CPA6: variants seen among roughly 807,000 people sequenced by gnomAD.
CPA6 encodes carboxypeptidase B.
CPA6 carries 58 observed loss-of-function variants against 63.3 expected under a neutral mutation model. The ratio of observed to expected loss-of-function variants is 0.92; its 90% CI spans 0.74 to 1.14. The LOEUF is 1.14. Ranked by LOEUF, CPA6 falls within the 50% of genes most tolerant of loss-of-function variation. CPA6 has a pLI of 0.00. For missense variants in CPA6, 565 were observed against 526.6 expected (o/e 1.07, Z -0.71); for synonymous variants, 185 against 179.0 (o/e 1.03, Z -0.27).
intron 9 of CPA6, among the ~76,000 whole-genome samples, chr8:67,431,637 C>T (rs1301568287): frequency 5.3e-5 from 8 of 152,118 alleles, no homozygotes; most frequent in Admixed American, 3.3e-4. Flanking sequence ...TAAAGGAATA[C>T]TGTGATACAA....
At chr8:67,659,702 A>G (rs1199056187) in intron 1 of CPA6, among the ~76,000 whole-genome samples, 5 of 152,242 alleles carry the variant, frequency 3.3e-5, no homozygotes, top group African/African-American at 1.2e-4. Flanking sequence ...CTACATTTCA[A>G]CAAGGTAGTC....
chr8:67,450,106 G>A (rs558235961), intron 8 of CPA6, among the ~76,000 whole-genome samples: 24 of 152,052 alleles, frequency 1.6e-4, no homozygotes, highest in East Asian at 3.9e-4. Context: ...ATGAGCCACC[G>A]CGCCTGGCCA....
chr8:67,733,903 C>T (rs2129003374), intron 1 of CPA6, among the ~76,000 whole-genome samples: 1 of 130,666 alleles, frequency 7.7e-6, no homozygotes, highest in East Asian at 2.4e-4. Context: ...AGTGCAGTGG[C>T]GCCCTCTGTC....
At chr8:67,532,883 T>G (rs1812508003) in intron 2 of CPA6, among the ~76,000 whole-genome samples, 1 of 152,174 alleles carries the variant, frequency 6.6e-6, no homozygotes, top group Admixed American at 6.5e-5. Context: ...AAGATGGGCA[T>G]TGATTAGAAC....
chr8:67,670,726 T>C (rs1483534144), intron 1 of CPA6, among the ~76,000 whole-genome samples: 2 of 152,156 alleles, frequency 1.3e-5, no homozygotes, highest in African/African-American at 4.8e-5. Flanking sequence ...AGCAGTGGTG[T>C]GTACAAAGAC....
intron 10 of CPA6, 109 bp from the exon 11 acceptor site, chr8:67,422,800 C>T (rs1028180155): frequency 1.3e-6 from 1 of 765,906 alleles, no homozygotes; most frequent in Non-Finnish European, 2.0e-6. Context: ...CTAAATCCTT[C>T]CAATTAAATG....
At chr8:67,673,582 CG>C (rs1816402366) in intron 1 of CPA6, among the ~76,000 whole-genome samples, 2 of 148,502 alleles carry the variant, frequency 1.3e-5, no homozygotes, top group Admixed American at 1.3e-4. Flanking sequence ...TTAGTAGAGA[CG>C]GGGTTTCACC....
intron 1 of CPA6, among the ~76,000 whole-genome samples, chr8:67,655,736 A>C (rs1389583403): frequency 6.6e-6 from 1 of 152,144 alleles, no homozygotes; most frequent in Non-Finnish European, 1.5e-5. Context: ...GTGTGACTCT[A>C]AGGGCATCAT....
intron 2 of CPA6, among the ~76,000 whole-genome samples, chr8:67,542,200 C>T (rs1282159780): frequency 6.6e-6 from 1 of 152,240 alleles, no homozygotes; most frequent in African/African-American, 2.4e-5. Context: ...GGCAGCTCTG[C>T]AGTCATTGGC....
intron 1 of CPA6, among the ~76,000 whole-genome samples, chr8:67,729,752 G>C (rs1817671042): frequency 6.6e-6 from 1 of 152,190 alleles, no homozygotes; most frequent in Non-Finnish European, 1.5e-5. Context: ...AAGCCGCTCA[G>C]AGCCTGATGA....
At chr8:67,725,344 C>G (rs1290427194) in intron 1 of CPA6, among the ~76,000 whole-genome samples, 1 of 152,134 alleles carries the variant, frequency 6.6e-6, no homozygotes, top group Non-Finnish European at 1.5e-5. Flanking sequence ...GTGCTCAATA[C>G]AAATTTAACA....
chr8:67,620,836 G>T (rs748430853), intron 2 of CPA6, among the ~76,000 whole-genome samples: 3 of 152,144 alleles, frequency 2.0e-5, no homozygotes, highest in Non-Finnish European at 4.4e-5. Context: ...AACAGAGCAG[G>T]TCTGAAAAAT....
intron 8 of CPA6, among the ~76,000 whole-genome samples, chr8:67,470,322 G>A (rs964064676): frequency 6.6e-6 from 1 of 151,978 alleles, no homozygotes; most frequent in Non-Finnish European, 1.5e-5. Context: ...GAGCCACCAC[G>A]CCCGGCCTTG....
chr8:67,592,573 T>G (rs1305199227), intron 2 of CPA6, among the ~76,000 whole-genome samples: 5 of 151,836 alleles, frequency 3.3e-5, no homozygotes, highest in Non-Finnish European at 5.9e-5. Context: ...GATCCTGTTA[T>G]TGGTCTATTC....
At chr8:67,566,038 C>T (rs1007557449) in intron 2 of CPA6, among the ~76,000 whole-genome samples, 2 of 152,162 alleles carry the variant, frequency 1.3e-5, no homozygotes, top group African/African-American at 4.8e-5. Context: ...GCCAGACACT[C>T]AAATGGTTTC....
chr8:67,677,083 T>C (rs1816490756), intron 1 of CPA6, among the ~76,000 whole-genome samples: 1 of 152,192 alleles, frequency 6.6e-6, no homozygotes, highest in South Asian at 2.1e-4. Context: ...AGGTCATCTG[T>C]TAGTGCTGAC....
chr8:67,518,097 A>G (rs200820545), intron 2 of CPA6, 50 bp from the exon 3 acceptor site: 5 of 1,481,426 alleles, frequency 3.4e-6, no homozygotes, highest in Non-Finnish European at 4.5e-6. Context: ...AGGGGGGGAA[A>G]ATCTGTGTCA....
At chr8:67,676,852 A>C (rs1312778735) in intron 1 of CPA6, among the ~76,000 whole-genome samples, 2 of 152,220 alleles carry the variant, frequency 1.3e-5, no homozygotes, top group East Asian at 1.9e-4. Flanking sequence ...ACTTATAACT[A>C]TTTAATATGG....
chr8:67,728,790 T>G (rs62511417), intron 1 of CPA6, among the ~76,000 whole-genome samples: 5,979 of 152,268 alleles, frequency 0.039, 169 homozygotes, highest in Non-Finnish European at 0.053. Flanking sequence ...TCCTTCCAAT[T>G]ATCACATCAC....
Sources: allele counts gnomAD v4.1 joint callset (sites outside exome capture counted in the v4.1 genomes callset), GRCh38; gene constraint gnomAD v4.1.1; transcripts MANE v1.5; gene names NCBI Gene and HGNC (gene_info 2026-07-23, HGNC 2026-07-21).